Variants in DDX52 observed in about 807,000 individuals in gnomAD.
DDX52 encodes probable ATP-dependent RNA helicase DDX52.
DDX52 carries 59 observed loss-of-function variants against 76.1 expected under a neutral mutation model. The ratio of observed to expected loss-of-function variants is 0.78; its 90% CI spans 0.63 to 0.96. The LOEUF is 0.96. DDX52 is among the 40% of genes least tolerant of loss of function. The pLI is 0.00. For synonymous variants in DDX52, 231 were observed against 244.1 expected (o/e 0.95, Z 0.50); for missense variants, 707 against 703.9 (o/e 1.00, Z -0.05).
chr17:37,631,027 A>G (rs1477998845), intron 4 of DDX52: 15 of 152,246 alleles, frequency 9.9e-5, no homozygotes, highest in Middle Eastern at 3.2e-3. Context: ...AACATAAGTC[A>G]ACAGCATCAT....
At position 37,612,474 on chromosome 17, in the gene DDX52, T is replaced by C. The variant is rs906834322; in HGVS notation, c.*1822A>G. ...GTCTATAGCATGCAGGACAGTAACA[T>C]GCTATACGGGTTTGTAGCCTAGGAG... On this transcript the variant is annotated 3_prime_UTR_variant, in exon 15 of 15. Coordinates refer to ENST00000617633, the MANE Select transcript of DDX52 (RefSeq NM_007010.5). 6.6e-6 allele frequency: 1 copy of C among 152,230 alleles called. No homozygotes were observed. The highest frequency in any genetic ancestry group is 1.5e-5 in the Non-Finnish European group (1 of 68,046). 9.4% of individuals were successfully genotyped at this position (152,230 alleles called of 1,614,324 possible).
rs1266582756 is a variant in DDX52 at position 37,610,560 on chromosome 17, A to C, written c.*3736T>G. 6.6e-6 allele frequency: 1 copy of C among 152,160 alleles called. No homozygotes were observed. Among genetic ancestry groups the C allele is most frequent in the Non-Finnish European group, 1.5e-5 (1 of 68,030 alleles). The allele number at this position is 152,160 out of a possible 1,614,324, so 9.4% of individuals were successfully genotyped here. A position where few individuals can be genotyped will look rare whatever the true frequency, so the allele number is the denominator to read the frequency against. On this transcript the variant is annotated 3_prime_UTR_variant, in exon 15 of 15. Transcript: ENST00000617633. ...GCTTTACGTTTTCACTCTTGTCTCA[A>C]GGTTTTTACTGGGTAATAATTTGTA...
At chr17:37,628,853 CAAT>C (rs1291022878) in intron 5 of DDX52, among the ~76,000 whole-genome samples, 181 bp from the exon 6 acceptor site, 1 of 152,098 alleles carries the variant, frequency 6.6e-6, no homozygotes, top group African/African-American at 2.4e-5. Flanking sequence ...TAATAAGATT[CAAT>C]AATTTCTTCA....
chr17:37,634,975 A>C (rs920119947), intron 2 of DDX52, among the ~76,000 whole-genome samples: 5 of 151,678 alleles, frequency 3.3e-5, no homozygotes, highest in African/African-American at 1.2e-4. Context: ...TAATTTTTGT[A>C]TTTTTAGTAG....
At chr17:37,626,189 C>A in intron 7 of DDX52, 91 bp from the exon 8 acceptor site, 3 of 1,316,088 alleles carry the variant, frequency 2.3e-6, no homozygotes, top group South Asian at 2.5e-5. Flanking sequence ...ATGAGGAAGT[C>A]AAACTATAAT....
At chr17:37,615,308 C>T (rs1228775139) in intron 14 of DDX52, among the ~76,000 whole-genome samples, 1 of 152,196 alleles carries the variant, frequency 6.6e-6, no homozygotes, top group Non-Finnish European at 1.5e-5. Flanking sequence ...ACAACCAAAG[C>T]ACCTTAAGCA....
At chr17:37,622,983 C>T (rs4795210) in intron 9 of DDX52, among the ~76,000 whole-genome samples, 3,250 of 152,240 alleles carry the variant, frequency 0.021, 92 homozygotes, top group African/African-American at 0.065. Flanking sequence ...TTAAGTTGTG[C>T]AAAGCTATAG....
At position 37,611,956 on chromosome 17, in the gene DDX52, C is replaced by CAAAAAAAAAAAAA. The variant is rs200545664; in HGVS notation, c.*2327_*2339dup. The CAAAAAAAAAAAAA allele has an allele frequency of 1.5e-5, 1 of 64,632 alleles. No homozygotes were observed. The highest frequency in any genetic ancestry group is 3.5e-5 in the Non-Finnish European group (1 of 28,170). The allele number at this position is 64,632 out of a possible 1,614,324, so 4.0% of individuals were successfully genotyped here. On this transcript the variant is annotated 3_prime_UTR_variant, in exon 15 of 15. Transcript: ENST00000617633. ...AAATTAGGTAACAGACCCTGTTTCT[C>CAAAAAAAAAAAAA]AAAAAAAAAAAAAAAAACAAAACAA...
At position 37,618,320 on chromosome 17, in the gene DDX52, A is replaced by G; in HGVS notation, c.1714T>C (p.Cys572Arg). 6.3e-7 allele frequency: 1 copy of G among 1,598,768 alleles called. No homozygotes were observed. Among genetic ancestry groups the G allele is most frequent in the East Asian group, 2.3e-5 (1 of 44,196 alleles). Reference protein sequence around the residue: ...ERESISTTPKCFLEKAKDKQK... With the variant: ...ERESISTTPKRFLEKAKDKQK... ...TTATCCTTAGCTTTTTCTAAGAAACATTTTGGAGTTGTACTAATGCTCTCC... is the reference window on the plus strand; with the variant it reads ...TTATCCTTAGCTTTTTCTAAGAAACGTTTTGGAGTTGTACTAATGCTCTCC... Residue 572 changes from cysteine (C) to arginine (R), a missense_variant, in exon 14 of 15, where the codon TGT becomes CGT. Physicochemically the swap from Cys to Arg is radical, Grantham distance 180. Coordinates refer to ENST00000617633, the MANE Select transcript of DDX52 (RefSeq NM_007010.5).
In DDX52 at chr17:37,633,579, C is replaced by T. The variant is rs62073466; in HGVS notation, c.287-161G>A. On this transcript the variant is annotated intron_variant, in intron 2 of 14. Transcript: ENST00000617633. ...GCTGAGTGGGGAGGATCATTTGAGC[C>T]TGGGAGGTTGAGGCTGCAGACAGCT... is the stretch of plus-strand genomic sequence containing the variant. 8.9e-3 allele frequency among the ~76,000 whole-genome samples: 1,344 copies of T among 151,070 alleles called. 8 individuals are homozygous for T. Among genetic ancestry groups the T allele is most frequent in the Non-Finnish European group, 0.013 (904 of 67,872 alleles).
chr17:37,642,195 C>T lies in DDX52; in HGVS notation c.201G>A (p.Lys67=). The T allele has an allele frequency of 6.2e-7, 1 of 1,614,106 alleles. No homozygotes were observed. ...CTTCTTTTTTCTCTCCATTTTGGGGCTTCTGATGTGTTTGTGATGCTCCAC... is the reference window on the plus strand; with the variant it reads ...CTTCTTTTTTCTCTCCATTTTGGGGTTTCTGATGTGTTTGTGATGCTCCAC... ...GVCGASQTHQ[K]PQNGEKKEES... is the part of the protein sequence containing the mutation. The change falls in exon 2 of 15, where the codon AAG becomes AAA. Residue 67 remains lysine, a synonymous_variant. Coordinates refer to ENST00000617633, the MANE Select transcript of DDX52 (RefSeq NM_007010.5).
In DDX52 at chr17:37,614,358, A is replaced by G; in HGVS notation, c.1743-5T>C. The stretch of plus-strand genomic sequence containing the variant: ...TTCTGACCAGTGACCTTTTTCCTGT[A>G]AAGAGCAAAGTAAGAAAAATTGAAT... On this transcript the variant is annotated splice_region_variant and splice_polypyrimidine_tract_variant and intron_variant, in intron 14 of 14. Transcript: ENST00000617633. The G allele has an allele frequency of 1.2e-6, 2 of 1,608,550 alleles. No individual in the cohort carries two copies. Among genetic ancestry groups the G allele is most frequent in the Non-Finnish European group, 8.5e-7 (1 of 1,178,488 alleles).
rs2030071842 is a variant in DDX52, at chr17:37,621,248, T to C, written c.1380A>G (p.Ala460=). 1.2e-6 allele frequency: 2 copies of C among 1,613,482 alleles called. No homozygotes were observed. The highest frequency in any genetic ancestry group is 2.2e-5 in the South Asian group (2 of 91,024). ...QRDNTVHSFR[A]GKIWVLICTA... ...TACAAATCAGAACCCAGATTTTTCC[T>C]GCTCTGAAACTGTGGACTGTGTTAT... The change falls in exon 11 of 15, where the codon GCA becomes GCG. Residue 460 remains alanine (A), a synonymous_variant. Transcript: ENST00000617633.
intron 9 of DDX52, among the ~76,000 whole-genome samples, chr17:37,623,382 G>A (rs1203167142): frequency 1.3e-5 from 2 of 151,870 alleles, no homozygotes; most frequent in African/African-American, 4.9e-5. Flanking sequence ...CCAAGATGAC[G>A]CCACCGCACT....
At chr17:37,626,883 A>G in intron 6 of DDX52, 23 bp from the exon 7 acceptor site, 1 of 1,594,306 alleles carries the variant, frequency 6.3e-7, no homozygotes, top group Non-Finnish European at 8.6e-7. Context: ...CAAATGGTAG[A>G]AATTGCAAAA....
At chr17:37,623,068 A>G (rs1397335882) in intron 9 of DDX52, among the ~76,000 whole-genome samples, 2 of 152,196 alleles carry the variant, frequency 1.3e-5, no homozygotes, top group Admixed American at 1.3e-4. Context: ...ACCATTCTAT[A>G]GTCACCAGGT....
At chr17:37,614,406 T>G (rs528469568) in intron 14 of DDX52, 53 bp from the exon 15 acceptor site, 285 of 1,552,486 alleles carry the variant, frequency 1.8e-4, no homozygotes, top group Non-Finnish European at 2.4e-4. Flanking sequence ...GTATATTTAC[T>G]TTCCATAACC....
chr17:37,637,083 GC>G (rs1295172392), intron 2 of DDX52, among the ~76,000 whole-genome samples: 2 of 152,074 alleles, frequency 1.3e-5, no homozygotes, highest in Admixed American at 1.3e-4. Flanking sequence ...TCCTGTCTCA[GC>G]CTCCCAAGTA....
chr17:37,622,166 ATTTTT>A (rs1018717168), intron 9 of DDX52, among the ~76,000 whole-genome samples: 1 of 150,506 alleles, frequency 6.6e-6, no homozygotes, highest in Non-Finnish European at 1.5e-5. Context: ...CTAAGTAAAC[ATTTTT>A]TTTTTACTAC....
Sources: allele counts gnomAD v4.1 joint callset (sites outside exome capture counted in the v4.1 genomes callset), GRCh38; gene constraint gnomAD v4.1.1; transcripts MANE v1.5; gene names NCBI Gene and HGNC (gene_info 2026-07-23, HGNC 2026-07-21).